Variants in SPAG16 observed in about 807,000 individuals in gnomAD.
SPAG16 encodes sperm associated antigen 16.
Under a neutral mutation model 80.4 loss-of-function variants are expected in SPAG16, and 86 were observed. The observed-to-expected ratio is 1.07, with a 90% CI of 0.90 to 1.28. SPAG16 has a LOEUF of 1.28. Ranked by LOEUF, SPAG16 falls within the 50% of genes most tolerant of loss-of-function variation. SPAG16 has a pLI of 0.00. For missense variants in SPAG16, 870 were observed against 765.3 expected, an observed-to-expected ratio of 1.14 and a Z score of -1.61; for synonymous variants, 294 against 265.9, an observed-to-expected ratio of 1.11 and a Z score of -1.03.
intron 10 of SPAG16, among the ~76,000 whole-genome samples, chr2:213,549,736 AAT>A (rs1260974863): frequency 6.6e-6 from 1 of 152,204 alleles, no homozygotes; most frequent in Non-Finnish European, 1.5e-5. Flanking sequence ...CTCATATCTC[AAT>A]ATCTGCTAAT....
intron 10 of SPAG16, among the ~76,000 whole-genome samples, chr2:213,753,687 T>C (rs898420997): frequency 6.6e-5 from 10 of 152,144 alleles, no homozygotes; most frequent in Non-Finnish European, 1.3e-4. Context: ...GTAATAGTAG[T>C]ATAGTCAACA....
At chr2:213,942,583 G>A (rs1397350) in intron 12 of SPAG16, among the ~76,000 whole-genome samples, 107,228 of 152,088 alleles carry the variant, frequency 0.71, 38,047 homozygotes, top group South Asian at 0.86. Flanking sequence ...AGTCATTCAC[G>A]TGTTTGAAGC....
At chr2:214,041,964 G>C (rs1377501558) in intron 13 of SPAG16, among the ~76,000 whole-genome samples, 1 of 65,968 alleles carries the variant, frequency 1.5e-5, no homozygotes, top group Non-Finnish European at 3.7e-5. Context: ...GTATATATTT[G>C]TGTGTCTGTG....
intron 10 of SPAG16, among the ~76,000 whole-genome samples, chr2:213,641,781 G>A (rs1342132334): frequency 6.6e-6 from 1 of 152,160 alleles, no homozygotes; most frequent in African/African-American, 2.4e-5. Context: ...CCTGAGACTG[G>A]GTAATTTATA....
chr2:214,220,712 TAATA>T (rs910537867), intron 15 of SPAG16, among the ~76,000 whole-genome samples: 1 of 152,146 alleles, frequency 6.6e-6, no homozygotes, highest in African/African-American at 2.4e-5. Context: ...TGCCAGGAAA[TAATA>T]AACCCCCAAC....
At position 213,593,746 on chromosome 2, in the gene SPAG16, C is replaced by CTTTTTTTTTTTTT. The variant is rs541949006; in HGVS notation, c.1070+103690_1070+103702dup. Among the ~76,000 whole-genome samples, 3 of 50,192 alleles carry CTTTTTTTTTTTTT rather than the reference C, an allele frequency of 6.0e-5. 1 individual carries two copies. The highest frequency in any genetic ancestry group is 1.0e-4 in the Non-Finnish European group (2 of 19,824). 32.9% of individuals were successfully genotyped at this position (50,192 alleles called of 152,430 possible). A position where few individuals can be genotyped will look rare whatever the true frequency, so the allele number is the denominator to read the frequency against. On this transcript the variant is annotated intron_variant, in intron 10 of 15. Coordinates refer to ENST00000331683, the MANE Select transcript of SPAG16 (RefSeq NM_024532.5). ...TCATACCCCATCATCCCCACCACAT[C>CTTTTTTTTTTTTT]TTTTTTTTTTTTTTTTTTTTTTTTT...
At chr2:213,889,826 G>C (rs537338004) in intron 11 of SPAG16, among the ~76,000 whole-genome samples, 1 of 151,244 alleles carries the variant, frequency 6.6e-6, no homozygotes, top group African/African-American at 2.4e-5. Context: ...TGTTGCCTAT[G>C]GGAAGCCTCT....
chr2:213,284,688 CT>C, intron 1 of SPAG16, 69 bp downstream of exon 1: 1 of 1,517,354 alleles, frequency 6.6e-7, no homozygotes, highest in Admixed American at 2.1e-5. Context: ...AGGCGAGGGC[CT>C]CCCACTGGCG....
intron 9 of SPAG16, among the ~76,000 whole-genome samples, chr2:213,448,283 A>G (rs1438608971): frequency 6.6e-6 from 1 of 152,248 alleles, no homozygotes; most frequent in Non-Finnish European, 1.5e-5. Context: ...AGAAATGGTC[A>G]AAGGACACTT....
chr2:214,059,413 T>C (rs943115143), intron 13 of SPAG16, among the ~76,000 whole-genome samples: 6 of 151,514 alleles, frequency 4.0e-5, no homozygotes, highest in Non-Finnish European at 4.4e-5. Context: ...TGTTGGCATG[T>C]TAGATCTCTG....
intron 10 of SPAG16, among the ~76,000 whole-genome samples, chr2:213,584,713 C>G (rs1425657690): frequency 6.6e-6 from 1 of 152,098 alleles, no homozygotes; most frequent in Admixed American, 6.6e-5. Flanking sequence ...AGGCTCTCGA[C>G]TTTTGGAAAA....
chr2:214,347,931 G>A (rs1436898779), intron 15 of SPAG16, among the ~76,000 whole-genome samples: 1 of 152,172 alleles, frequency 6.6e-6, no homozygotes, highest in Non-Finnish European at 1.5e-5. Flanking sequence ...TCAGAGGACA[G>A]AGCCAAGATT....
At chr2:213,941,092 A>T (rs995068143) in intron 12 of SPAG16, among the ~76,000 whole-genome samples, 1 of 152,132 alleles carries the variant, frequency 6.6e-6, no homozygotes, top group Non-Finnish European at 1.5e-5. Flanking sequence ...TCACCGCAAA[A>T]TGCCATCCCT....
chr2:213,291,189 A>G (rs981854281), intron 1 of SPAG16, among the ~76,000 whole-genome samples: 6 of 152,116 alleles, frequency 3.9e-5, no homozygotes, highest in African/African-American at 1.4e-4. Context: ...CTATAATGCT[A>G]TTTCCTTTTC....
At chr2:214,239,039 AT>A (rs899044222) in intron 15 of SPAG16, 59 of 151,406 alleles carry the variant, frequency 3.9e-4, no homozygotes, top group African/African-American at 4.8e-4. Context: ...AACTCATAAT[AT>A]TTTTTTTTGA....
chr2:213,757,997 C>T (rs544071778), intron 10 of SPAG16: 5 of 152,206 alleles, frequency 3.3e-5, no homozygotes, highest in Admixed American at 3.3e-4. Context: ...CCTTTGACAG[C>T]TAGACATTAA....
Position 213,605,268 on chromosome 2 carries a change from ATTT to A in SPAG16, c.1070+115192_1070+115194del, listed in dbSNP as rs34856658. 9.7e-4 allele frequency among the ~76,000 whole-genome samples: 135 copies of A among 139,332 alleles called. 1 individual carries two copies. The highest frequency in any genetic ancestry group is 3.2e-3 in the African/African-American group (124 of 38,260). The allele number at this position is 139,332 out of a possible 152,430, so 91.4% of individuals were successfully genotyped here. A position where few individuals can be genotyped will look rare whatever the true frequency, so the allele number is the denominator to read the frequency against. ...TTCATCTATAAATACTTTGGAATGC[ATTT>A]TTTTTTTTTTTTTGAGATGGAGTCT... is the stretch of plus-strand genomic sequence containing the variant. On this transcript the variant is annotated intron_variant, in intron 10 of 15. Coordinates refer to ENST00000331683, the MANE Select transcript of SPAG16 (RefSeq NM_024532.5).
chr2:213,672,922 G>A (rs1460945365), intron 10 of SPAG16, among the ~76,000 whole-genome samples: 4 of 146,504 alleles, frequency 2.7e-5, no homozygotes, highest in African/African-American at 7.7e-5. Flanking sequence ...GCAGTGGCAC[G>A]ATCTTGGCTC....
chr2:213,490,105 G>T lies in SPAG16; in HGVS notation c.1070+15G>T. ...CCAGTGAGCTGGTAGGATTTTTGAT[G>T]TTTTATTAATACTTTTGAGATTTTA... is the stretch of plus-strand genomic sequence containing the variant. On this transcript the variant is annotated intron_variant, in intron 10 of 15. Coordinates refer to ENST00000331683, the MANE Select transcript of SPAG16 (RefSeq NM_024532.5). 6.4e-7 allele frequency: 1 copy of T among 1,562,272 alleles called. No homozygotes were observed. Among genetic ancestry groups the T allele is most frequent in the Non-Finnish European group, 8.6e-7 (1 of 1,159,386 alleles).
Sources: allele counts gnomAD v4.1 joint callset (sites outside exome capture counted in the v4.1 genomes callset), GRCh38; gene constraint gnomAD v4.1.1; transcripts MANE v1.5; gene names NCBI Gene and HGNC (gene_info 2026-07-23, HGNC 2026-07-21).